HECW2: variants seen among roughly 807,000 people sequenced by gnomAD.
The protein encoded by HECW2 is E3 ubiquitin-protein ligase HECW2.
HECW2 carries 61 observed loss-of-function variants against 175.2 expected under a neutral mutation model. The ratio of observed to expected loss-of-function variants is 0.35; its 90% confidence interval spans 0.28 to 0.43. The LOEUF is 0.43. HECW2 is among the 20% of genes least tolerant of loss of function. The pLI is 1.00. For missense variants in HECW2, 1,524 were observed against 2,000.5 expected, an observed-to-expected ratio of 0.76 and a Z score of 4.54; for synonymous variants, 671 against 731.0, an observed-to-expected ratio of 0.92 and a Z score of 1.32.
chr2:196,539,258 T>C (rs768915639), intron 1 of HECW2, among the ~76,000 whole-genome samples: 1 of 152,188 alleles, frequency 6.6e-6, no homozygotes, highest in Non-Finnish European at 1.5e-5. Context: ...TTCCCTCCCA[T>C]CCTTCCTCAC....
At chr2:196,277,186 C>CT (rs961422708) in intron 15 of HECW2, among the ~76,000 whole-genome samples, 19 of 151,864 alleles carry the variant, frequency 1.3e-4, no homozygotes, top group Admixed American at 9.2e-4. Context: ...AAGGTTTGTT[C>CT]TTTTTTTTGG....
intron 19 of HECW2, among the ~76,000 whole-genome samples, chr2:196,248,795 A>G (rs1688752361): frequency 6.6e-6 from 1 of 152,170 alleles, no homozygotes; most frequent in Non-Finnish European, 1.5e-5. Flanking sequence ...AAGGGCACAC[A>G]ATGTGGTGGG....
Position 196,273,014 on chromosome 2 carries a change from C to A in HECW2, c.3238+1007G>T, listed in dbSNP as rs955575278. Among the ~76,000 whole-genome samples, 33 of 143,116 alleles carry A rather than the reference C, an allele frequency of 2.3e-4. 1 individual carries two copies. Among genetic ancestry groups the A allele is most frequent in the Admixed American group, 7.0e-5 (1 of 14,384 alleles). 93.9% of individuals were successfully genotyped at this position (143,116 alleles called of 152,430 possible). A position where few individuals can be genotyped will look rare whatever the true frequency, so the allele number is the denominator to read the frequency against. Reference sequence around the variant, plus strand: ...CATTTTTTTTTTAATTTAAAGAAGACGTTTTAAAACAAAGATAAATGGAGA... The same window carrying A: ...CATTTTTTTTTTAATTTAAAGAAGAAGTTTTAAAACAAAGATAAATGGAGA... On this transcript the variant is annotated intron_variant, in intron 16 of 28. Transcript: ENST00000644978.
At chr2:196,277,677 G>A (rs909208947) in intron 15 of HECW2, among the ~76,000 whole-genome samples, 5 of 152,074 alleles carry the variant, frequency 3.3e-5, no homozygotes, top group African/African-American at 9.7e-5. Context: ...ACATGCACAC[G>A]TATGTTTACT....
chr2:196,305,779 T>C (rs1691234397), intron 13 of HECW2, among the ~76,000 whole-genome samples: 1 of 152,206 alleles, frequency 6.6e-6, no homozygotes, highest in South Asian at 2.1e-4. Flanking sequence ...TATTTTCTTA[T>C]ATCCTAGTAC....
intron 19 of HECW2, among the ~76,000 whole-genome samples, chr2:196,248,643 G>C (rs963871745): frequency 4.0e-5 from 6 of 150,448 alleles, no homozygotes; most frequent in Non-Finnish European, 7.4e-5. Context: ...GAGAGAGACA[G>C]AGAGGAATAG....
intron 4 of HECW2, among the ~76,000 whole-genome samples, chr2:196,332,944 C>A (rs1692421796): frequency 1.3e-5 from 2 of 152,104 alleles, no homozygotes; most frequent in Admixed American, 1.3e-4. Flanking sequence ...ATGTTTACTA[C>A]AATGGAAACT....
chr2:196,374,041 A>AAAGG (rs1386345035), intron 2 of HECW2, among the ~76,000 whole-genome samples: 1 of 131,424 alleles, frequency 7.6e-6, no homozygotes, highest in African/African-American at 3.6e-5. Flanking sequence ...CAAAAAAAAT[A>AAAGG]AAATAAAATA....
At chr2:196,230,506 A>T (rs1217521614) in intron 21 of HECW2, among the ~76,000 whole-genome samples, 2 of 151,060 alleles carry the variant, frequency 1.3e-5, no homozygotes, top group Admixed American at 1.3e-4. Flanking sequence ...TCCCTTTCCC[A>T]CTCCTGAGCA....
intron 1 of HECW2, among the ~76,000 whole-genome samples, chr2:196,565,577 CA>C (rs1690159630): frequency 1.3e-5 from 2 of 152,270 alleles, no homozygotes; most frequent in South Asian, 4.1e-4. Context: ...ACCAATTTCA[CA>C]AAACTAGTGA....
intron 1 of HECW2, among the ~76,000 whole-genome samples, chr2:196,561,476 T>C (rs907781688): frequency 4.6e-5 from 7 of 152,330 alleles, no homozygotes; most frequent in East Asian, 1.9e-4. Flanking sequence ...CCTTGAAGCA[T>C]GTGATCTTTG....
chr2:196,441,299 T>C (rs1441426630), intron 1 of HECW2, among the ~76,000 whole-genome samples: 1 of 151,922 alleles, frequency 6.6e-6, no homozygotes, highest in Non-Finnish European at 1.5e-5. Flanking sequence ...TTGGCATTGA[T>C]AAATAAAACC....
chr2:196,353,502 G>T (rs1333593274), intron 2 of HECW2, among the ~76,000 whole-genome samples: 1 of 152,150 alleles, frequency 6.6e-6, no homozygotes. Flanking sequence ...TATCCCAAGT[G>T]CCTAGAATAA....
intron 13 of HECW2, among the ~76,000 whole-genome samples, chr2:196,297,790 A>G (rs1248454817): frequency 6.6e-6 from 1 of 152,226 alleles, no homozygotes; most frequent in Non-Finnish European, 1.5e-5. Context: ...ATTATTCACT[A>G]AACAAAATTT....
At chr2:196,439,947 A>G (rs1260116650) in intron 1 of HECW2, among the ~76,000 whole-genome samples, 3 of 152,210 alleles carry the variant, frequency 2.0e-5, no homozygotes, top group Non-Finnish European at 4.4e-5. Context: ...AAGGAAGAAC[A>G]CATAGACATG....
chr2:196,457,795 A>C (rs1297295980), intron 1 of HECW2, among the ~76,000 whole-genome samples: 1 of 149,660 alleles, frequency 6.7e-6, no homozygotes, highest in Non-Finnish European at 1.5e-5. Flanking sequence ...TTTTTCTCAG[A>C]GCATACTCAT....
chr2:196,519,838 T>C (rs1688288396), intron 1 of HECW2, among the ~76,000 whole-genome samples: 1 of 152,250 alleles, frequency 6.6e-6, no homozygotes, highest in African/African-American at 2.4e-5. Flanking sequence ...TTAATCTCCA[T>C]TCTAATTGAG....
At chr2:196,417,343 G>A (rs1008791251) in intron 2 of HECW2, among the ~76,000 whole-genome samples, 6 of 152,208 alleles carry the variant, frequency 3.9e-5, no homozygotes, top group African/African-American at 1.4e-4. Context: ...TCCAAAGACA[G>A]CATCACATAA....
chr2:196,592,941 C>G (rs1047071676), intron 1 of HECW2: 7 of 151,514 alleles, frequency 4.6e-5, no homozygotes, highest in African/African-American at 1.5e-4. Flanking sequence ...ATGCAGCTCA[C>G]GGCTGCTGCG....
Sources: allele counts gnomAD v4.1 joint callset (sites outside exome capture counted in the v4.1 genomes callset), GRCh38; gene constraint gnomAD v4.1.1; transcripts MANE v1.5; gene names NCBI Gene and HGNC (gene_info 2026-07-23, HGNC 2026-07-21).